NEBL: variants seen among roughly 807,000 people sequenced by gnomAD.
NEBL encodes the protein LIM and SH3 protein 2.
NEBL carries 122 observed loss-of-function variants against 140.2 expected under a neutral mutation model. The observed-to-expected ratio is 0.87, with a 90% CI of 0.75 to 1.01. The LOEUF (loss-of-function observed/expected upper bound fraction) is 1.01, where lower values mean the gene tolerates loss of function less well. Ranked by LOEUF, NEBL falls within the 50% of genes least tolerant of loss-of-function variation. The pLI is 0.00. For missense variants in NEBL, 1,365 were observed against 1,231.3 expected (o/e 1.11, Z -1.62); for synonymous variants, 436 against 398.9 (o/e 1.09, Z -1.11).
intron 4 of NEBL, among the ~76,000 whole-genome samples, chr10:20,937,530 G>T (rs1160134955): frequency 6.6e-6 from 1 of 152,122 alleles, no homozygotes; most frequent in Non-Finnish European, 1.5e-5. Context: ...GAAAACAGAT[G>T]ATTTCTGCAT....
chr10:20,822,362 G>C (rs1289081318), intron 19 of NEBL, among the ~76,000 whole-genome samples: 1 of 150,570 alleles, frequency 6.6e-6, no homozygotes, highest in Non-Finnish European at 1.5e-5. Context: ...TCTATCTATA[G>C]GTCTATCTAT....
intron 1 of NEBL, among the ~76,000 whole-genome samples, chr10:21,267,920 G>A (rs1211220905): frequency 6.6e-6 from 1 of 152,166 alleles, no homozygotes; most frequent in Admixed American, 6.5e-5. Context: ...CAGAAGGTCA[G>A]AAGCTTCATG....
chr10:20,826,320 GAAATAGCATTTCAA>G (rs1309211247), intron 18 of NEBL, 113 bp downstream of exon 18: 13 of 777,748 alleles, frequency 1.7e-5, no homozygotes, highest in Non-Finnish European at 2.7e-5. Flanking sequence ...GATATATGAT[GAAATAGCATTTCAA>G]TAAAGTGAAG....
intron 3 of NEBL, among the ~76,000 whole-genome samples, chr10:21,006,695 G>A (rs114144708): frequency 2.0e-5 from 3 of 152,236 alleles, no homozygotes; most frequent in Admixed American, 6.5e-5. Context: ...ACAGTGGTCC[G>A]AGACCCGAAA....
At chr10:20,819,551 G>T (rs1223547161) in intron 19 of NEBL, 35 bp from the exon 20 acceptor site, 2 of 1,612,420 alleles carry the variant, frequency 1.2e-6, no homozygotes, top group South Asian at 1.1e-5. Flanking sequence ...TTGAGATTAT[G>T]GGAAATAAAT....
chr10:20,868,815 G>T, intron 6 of NEBL, 50 bp from the exon 7 acceptor site: 1 of 1,239,872 alleles, frequency 8.1e-7, no homozygotes, highest in South Asian at 1.2e-5. Flanking sequence ...CTCCAATGAT[G>T]AACTACATTG....
intron 2 of NEBL, among the ~76,000 whole-genome samples, chr10:21,071,941 AC>A (rs1835835510): frequency 6.6e-6 from 1 of 151,954 alleles, no homozygotes; most frequent in South Asian, 2.1e-4. Context: ...GCCTCAGTCT[AC>A]TGAATAGTTG....
intron 3 of NEBL, among the ~76,000 whole-genome samples, chr10:21,218,693 G>T (rs900406962): frequency 6.6e-6 from 1 of 152,014 alleles, no homozygotes; most frequent in East Asian, 1.9e-4. Flanking sequence ...ACAATTTATC[G>T]ATATCTACAT....
intron 9 of NEBL, 71 bp from the exon 10 acceptor site, chr10:20,852,720 C>T (rs1842674295): frequency 8.0e-7 from 1 of 1,247,392 alleles, no homozygotes; most frequent in Non-Finnish European, 1.1e-6. Context: ...CTTAGAAATA[C>T]AAACTGCACA....
intron 1 of NEBL, among the ~76,000 whole-genome samples, chr10:21,273,376 G>A (rs1313920959): frequency 6.6e-6 from 1 of 152,170 alleles, no homozygotes; most frequent in Non-Finnish European, 1.5e-5. Context: ...TTCTGTATAA[G>A]AATAAATTTC....
At chr10:20,921,566 A>G (rs1301812740) in intron 4 of NEBL, among the ~76,000 whole-genome samples, 1 of 152,058 alleles carries the variant, frequency 6.6e-6, no homozygotes, top group African/African-American at 2.4e-5. Flanking sequence ...CCAGTTCTCC[A>G]TGGGCTTCAG....
At chr10:21,030,870 C>A in intron 2 of NEBL, 1 of 302,090 alleles carries the variant, frequency 3.3e-6, no homozygotes. Context: ...CACTTAACAC[C>A]TGTACATCAT....
chr10:21,028,251 A>AGAAGAAGAAGAAGAAGAAGAAGAAG (rs1554819362), intron 2 of NEBL, among the ~76,000 whole-genome samples: 380 of 36,790 alleles, frequency 0.01, 4 homozygotes, highest in East Asian at 0.067. Context: ...AAAAAAAAAA[A>AGAAGAAGAAGAAGAAGAAGAAGAAG]AAAAAGAAGA....
At chr10:21,209,648 CTTTTTTTTTTTTCTT>C (rs1196139579) in intron 3 of NEBL, among the ~76,000 whole-genome samples, 33 of 141,224 alleles carry the variant, frequency 2.3e-4, no homozygotes, top group South Asian at 2.0e-3. Flanking sequence ...GGCACCTGAC[CTTTTTTTTTTTTCTT>C]TTTTTTTTTT....
At chr10:21,129,540 C>T (rs1419751943) in intron 2 of NEBL, among the ~76,000 whole-genome samples, 2 of 151,700 alleles carry the variant, frequency 1.3e-5, no homozygotes, top group African/African-American at 4.8e-5. Flanking sequence ...TATGTACAGG[C>T]ACACTCATAT....
intron 26 of NEBL, among the ~76,000 whole-genome samples, chr10:20,800,898 A>G (rs1342818293): frequency 1.3e-5 from 2 of 152,146 alleles, no homozygotes; most frequent in African/African-American, 4.8e-5. Flanking sequence ...CCACTCACCT[A>G]CAAGTGTAGG....
At chr10:21,026,424 G>C (rs1839034376) in intron 2 of NEBL, among the ~76,000 whole-genome samples, 1 of 152,126 alleles carries the variant, frequency 6.6e-6, no homozygotes, top group African/African-American at 2.4e-5. Context: ...TAACATTATA[G>C]GCAACCACTA....
chr10:20,916,371 T>C (rs1848556064), intron 4 of NEBL, among the ~76,000 whole-genome samples: 1 of 152,194 alleles, frequency 6.6e-6, no homozygotes, highest in Admixed American at 6.5e-5. Context: ...CTTAGATAGC[T>C]CTGAAGAAGA....
chr10:20,819,577 G>GC, intron 19 of NEBL, 61 bp from the exon 20 acceptor site: 1 of 1,589,768 alleles, frequency 6.3e-7, no homozygotes. Flanking sequence ...CCAAAACATT[G>GC]CAACAGATTT....
Sources: allele counts gnomAD v4.1 joint callset (sites outside exome capture counted in the v4.1 genomes callset), GRCh38; gene constraint gnomAD v4.1.1; transcripts MANE v1.5; gene names NCBI Gene and HGNC (gene_info 2026-07-23, HGNC 2026-07-21).